The following MLPH variants were observed in gnomAD, a reference collection of about 807,000 sequenced individuals.
The protein encoded by MLPH is exophilin-3.
A neutral mutation model predicts 72.1 loss-of-function variants in MLPH; 51 were observed. That is an observed-to-expected ratio of 0.71 (90% CI 0.56 to 0.89). The LOEUF is 0.89. Among genes scored for constraint, MLPH ranks in the 40% least tolerant of loss-of-function variants. The pLI is 0.00. For synonymous variants in MLPH, 301 were observed against 310.1 expected (o/e 0.97, Z 0.31); for missense variants, 743 against 759.9 (o/e 0.98, Z 0.26).
At chr2:237,522,905 T>C (rs1045937919) in intron 6 of MLPH, among the ~76,000 whole-genome samples, 2 of 152,224 alleles carry the variant, frequency 1.3e-5, no homozygotes, top group South Asian at 4.1e-4. Context: ...AGGGCTGCTG[T>C]ATTAGCATCT....
Position 237,510,063 on chromosome 2 carries a change from G to A in MLPH, c.111-511G>A, listed in dbSNP as rs1445263240. The A allele has an allele frequency of 9.7e-6, 2 of 206,946 alleles. No individual in the cohort carries two copies. Among genetic ancestry groups the A allele is most frequent in the Admixed American group, 1.1e-4 (2 of 19,012 alleles). The allele number at this position is 206,946 out of a possible 1,614,324, so 12.8% of individuals were successfully genotyped here. A position where few individuals can be genotyped will look rare whatever the true frequency, so the allele number is the denominator to read the frequency against. The stretch of plus-strand genomic sequence containing the variant: ...TTATTTAAACTCGGATGGTCTAGGA[G>A]AACTGTAGACTTCCGGGTGCTAGAT... On this transcript the variant is annotated intron_variant, in intron 2 of 15. Transcript: ENST00000264605. This position sits in a 1 kb window ranked among gnomAD's most constrained non-coding sequence, Gnocchi z 4.4.
intron 14 of MLPH, among the ~76,000 whole-genome samples, chr2:237,550,383 G>A (rs547345712): frequency 6.6e-6 from 1 of 152,182 alleles, no homozygotes; most frequent in Non-Finnish European, 1.5e-5. Context: ...CTGGTGCCCA[G>A]GGCCCTTTGG....
At chr2:237,550,056 C>T (rs887903830) in intron 14 of MLPH, among the ~76,000 whole-genome samples, 42 of 152,348 alleles carry the variant, frequency 2.8e-4, no homozygotes, top group African/African-American at 8.9e-4. Flanking sequence ...CTACTACACC[C>T]GCCCAAGGAT....
intron 1 of MLPH, among the ~76,000 whole-genome samples, chr2:237,488,716 G>A (rs1213073511): frequency 6.6e-6 from 1 of 152,196 alleles, no homozygotes; most frequent in Middle Eastern, 3.2e-3. Context: ...TACGACATGA[G>A]TGACTCAGAA....
intron 6 of MLPH, among the ~76,000 whole-genome samples, chr2:237,524,834 G>A (rs2080267569): frequency 1.3e-5 from 2 of 152,180 alleles, no homozygotes; most frequent in Admixed American, 6.5e-5. Context: ...CATCCCCTGG[G>A]CACAGGCAGT....
chr2:237,546,324 G>T, intron 12 of MLPH: 1 of 466,922 alleles, frequency 2.1e-6, no homozygotes. Context: ...TTCCCAGCTT[G>T]ACTTTTTCCT....
chr2:237,514,773 G>T (rs927442560), intron 4 of MLPH, among the ~76,000 whole-genome samples: 4 of 152,220 alleles, frequency 2.6e-5, no homozygotes, highest in Admixed American at 2.0e-4. Context: ...ATCTTTAAGA[G>T]AAAGATTTAA....
At chr2:237,537,321 G>A (rs992361205) in intron 9 of MLPH, among the ~76,000 whole-genome samples, 5 of 152,186 alleles carry the variant, frequency 3.3e-5, no homozygotes, top group South Asian at 2.1e-4. Context: ...CTTACAAAGC[G>A]AAGACAATCC....
At chr2:237,519,845 G>A (rs2080140107) in intron 5 of MLPH, 65 bp from the exon 6 acceptor site, 1 of 1,612,598 alleles carries the variant, frequency 6.2e-7, no homozygotes, top group Non-Finnish European at 8.5e-7. Flanking sequence ...GGAGGTGCAG[G>A]GTATTTGGTC....
At chr2:237,518,140 ATGGG>A (rs2080092301) in intron 4 of MLPH, 1 of 325,048 alleles carries the variant, frequency 3.1e-6, no homozygotes, top group African/African-American at 2.6e-5. Flanking sequence ...GGATGGATGG[ATGGG>A]TGGGTAGGTG....
intron 9 of MLPH, among the ~76,000 whole-genome samples, chr2:237,539,625 T>C (rs561332993): frequency 3.3e-5 from 5 of 152,352 alleles, no homozygotes; most frequent in Admixed American, 2.6e-4. Context: ...TTAACCCTCC[T>C]GCCTCCTGCC....
chr2:237,525,704 A>G lies in MLPH; in HGVS notation c.779A>G (p.Glu260Gly). The change falls in exon 7 of 16, where the codon GAG becomes GGG. Residue 260 changes from glutamate (E) to glycine (G), a missense_variant. Transcript: ENST00000264605. ...TCTGGGTGCCACTCCCATCCGGAAG[A>G]GCAGCCGACCAGCATCTCACCTTCC... ...GASGCHSHPE[E>G]QPTSISPSRH... The G allele has an allele frequency of 6.2e-7, 1 of 1,614,132 alleles. No homozygotes were observed. Among genetic ancestry groups the G allele is most frequent in the Non-Finnish European group, 8.5e-7 (1 of 1,180,044 alleles).
intron 2 of MLPH, among the ~76,000 whole-genome samples, chr2:237,508,924 C>T (rs1360841769): frequency 1.3e-5 from 2 of 152,338 alleles, no homozygotes; most frequent in African/African-American, 4.8e-5. Flanking sequence ...AAGTCACATT[C>T]AGGAGGGTCT....
chr2:237,498,697 A>G lies in MLPH; in HGVS notation c.110+5161A>G, dbSNP rs1010578523. Among the ~76,000 whole-genome samples the G allele has an allele frequency of 1.4e-4, 21 of 152,154 alleles. 1 individual carries two copies. Among genetic ancestry groups the G allele is most frequent in the Admixed American group, 1.4e-3 (21 of 15,276 alleles). On this transcript the variant is annotated intron_variant, in intron 2 of 15. Coordinates refer to ENST00000264605, the MANE Select transcript of MLPH (RefSeq NM_024101.7). The stretch of plus-strand genomic sequence containing the variant: ...TCTTGATCTAGCCCAGGCAGGCATA[A>G]TCTCTCTCTCAAGTCATCTGTGCCA...
chr2:237,497,157 A>C (rs1187943406), intron 2 of MLPH, among the ~76,000 whole-genome samples: 1 of 152,154 alleles, frequency 6.6e-6, no homozygotes, highest in Non-Finnish European at 1.5e-5. Flanking sequence ...GAGCTCTATG[A>C]GTATCTAACG....
In MLPH at chr2:237,505,193, G is replaced by A. The variant is rs2079739369; in HGVS notation, c.111-5381G>A. Among the ~76,000 whole-genome samples, 2 of 152,202 alleles carry A rather than the reference G, an allele frequency of 1.3e-5. No homozygotes were observed. The highest frequency in any genetic ancestry group is 1.3e-4 in the Admixed American group (2 of 15,282). On this transcript the variant is annotated intron_variant, in intron 2 of 15. Transcript: ENST00000264605. The surrounding 1 kb of genome is among the most constrained non-coding windows in gnomAD (Gnocchi z 4.5). ...CTCCTTGCTGGTCCTGATGCAGAGTGGAGGGCAGGTCAGCTTGCAGGATGG... is the reference window on the plus strand; with the variant it reads ...CTCCTTGCTGGTCCTGATGCAGAGTAGAGGGCAGGTCAGCTTGCAGGATGG...
chr2:237,539,763 C>T (rs1006539409), intron 9 of MLPH, among the ~76,000 whole-genome samples: 41 of 152,176 alleles, frequency 2.7e-4, no homozygotes, highest in African/African-American at 9.2e-4. Flanking sequence ...AACTGAGATG[C>T]AGAGGGGTTG....
chr2:237,552,343 A>G lies in MLPH; in HGVS notation c.1682A>G (p.Asp561Gly). ...CTTCCTGTTTTCCCCAAAGGTAAAGATGATGATTCTTTTGATCGGAAATCA... is the reference window on the plus strand; with the variant it reads ...CTTCCTGTTTTCCCCAAAGGTAAAGGTGATGATTCTTTTGATCGGAAATCA... ...FSNSLKSQGK[D>G]DDSFDRKSVY... Residue 561 changes from aspartate (D) to glycine (G), a missense_variant, in exon 15 of 16, where the codon GAT (aspartate) becomes GGT (glycine). Physicochemically the swap from Asp to Gly is moderately conservative, Grantham distance 94. Transcript: ENST00000264605. 1 of 1,614,048 alleles carries G rather than the reference A, an allele frequency of 6.2e-7. No homozygotes were observed. Among genetic ancestry groups the G allele is most frequent in the African/African-American group, 1.3e-5 (1 of 75,042 alleles).
chr2:237,496,718 G>C (rs546286354), intron 2 of MLPH, among the ~76,000 whole-genome samples: 3 of 152,338 alleles, frequency 2.0e-5, no homozygotes, highest in East Asian at 1.9e-4. Flanking sequence ...TGTGATTAGG[G>C]GGGGGCTTGT....
Sources: allele counts gnomAD v4.1 joint callset (sites outside exome capture counted in the v4.1 genomes callset), GRCh38; gene constraint gnomAD v4.1.1; non-coding constraint Gnocchi (gnomAD v3.1); transcripts MANE v1.5; gene names NCBI Gene and HGNC (gene_info 2026-07-23, HGNC 2026-07-21).